Variants in JPH1 observed in about 807,000 individuals in gnomAD.
The protein encoded by JPH1 is junctophilin 1.
In JPH1, 12 loss-of-function variants were observed where a neutral mutation model predicts 53.6. The observed-to-expected ratio is 0.22, with a 90% CI of 0.14 to 0.36. JPH1 has a LOEUF of 0.36. Ranked by LOEUF, JPH1 falls within the 10% of genes least tolerant of loss-of-function variation. The probability of loss-of-function intolerance (pLI) is 1.00; values close to 1 mark genes in which losing one functional copy is unlikely to be tolerated. For missense variants in JPH1, 808 were observed against 905.5 expected (o/e 0.89, Z 1.38); for synonymous variants, 375 against 363.8 (o/e 1.03, Z -0.35).
intron 1 of JPH1, among the ~76,000 whole-genome samples, chr8:74,318,254 CTG>C (rs772377592): frequency 3.3e-5 from 5 of 152,106 alleles, no homozygotes; most frequent in Non-Finnish European, 5.9e-5. Flanking sequence ...CAGTTTTAAA[CTG>C]TGTTCATTTG....
chr8:74,289,060 T>C (rs1807249848), intron 2 of JPH1, among the ~76,000 whole-genome samples: 1 of 152,128 alleles, frequency 6.6e-6, no homozygotes, highest in Non-Finnish European at 1.5e-5. Context: ...AGCTGCAGCA[T>C]AAACTCTGAA....
intron 2 of JPH1, among the ~76,000 whole-genome samples, chr8:74,283,706 G>C (rs1413885529): frequency 6.6e-6 from 1 of 152,204 alleles, no homozygotes; most frequent in Non-Finnish European, 1.5e-5. Context: ...TTAACAGCGT[G>C]CTGAGTGCAC....
intron 3 of JPH1, among the ~76,000 whole-genome samples, chr8:74,252,798 C>CCATT (rs1806103994): frequency 6.6e-6 from 1 of 151,564 alleles, no homozygotes; most frequent in African/African-American, 2.4e-5. Context: ...AGAGACAAGG[C>CCATT]CATTACATAA....
Position 74,321,466 on chromosome 8 carries a change from G to A in JPH1, c.-179C>T. ...CCCCCGTCCTCCCTCCTCTTTTGCC[G>A]CCGCCACCGCCGCCTTCCTCCTCCT... On this transcript the variant is annotated 5_prime_UTR_variant, in exon 1 of 6. Transcript: ENST00000342232. The surrounding 1 kb of genome is among the most constrained non-coding windows in gnomAD (Gnocchi z 4.3). 1.9e-6 allele frequency: 1 copy of A among 534,062 alleles called. No individual in the cohort carries two copies. Among genetic ancestry groups the A allele is most frequent in the Non-Finnish European group, 3.0e-6 (1 of 330,898 alleles). 33.1% of individuals were successfully genotyped at this position (534,062 alleles called of 1,614,324 possible). A position where few individuals can be genotyped will look rare whatever the true frequency, so the allele number is the denominator to read the frequency against.
intron 2 of JPH1, among the ~76,000 whole-genome samples, chr8:74,306,612 T>TC (rs1435117806): frequency 6.6e-6 from 1 of 151,986 alleles, no homozygotes; most frequent in Non-Finnish European, 1.5e-5. Context: ...AACTTTTTTT[T>TC]TTTTTCTTGG....
chr8:74,292,246 C>T (rs1807350512), intron 2 of JPH1, among the ~76,000 whole-genome samples: 1 of 152,176 alleles, frequency 6.6e-6, no homozygotes, highest in Admixed American at 6.5e-5. Context: ...ACTTACTCTC[C>T]ACCTTGTATC....
intron 4 of JPH1, among the ~76,000 whole-genome samples, chr8:74,237,814 C>T (rs144770780): frequency 1.8e-4 from 27 of 152,260 alleles, no homozygotes; most frequent in African/African-American, 6.5e-4. Context: ...GTTTGGACAC[C>T]ACCCTTTCCG....
chr8:74,260,704 C>T (rs765830233), intron 2 of JPH1, among the ~76,000 whole-genome samples: 5 of 152,076 alleles, frequency 3.3e-5, no homozygotes, highest in South Asian at 2.1e-4. Context: ...GCTCCTGGGA[C>T]CAAAACACGG....
intron 3 of JPH1, among the ~76,000 whole-genome samples, chr8:74,251,585 T>C (rs1248911511): frequency 1.3e-5 from 2 of 152,234 alleles, no homozygotes; most frequent in Non-Finnish European, 2.9e-5. Context: ...CCATCCCACA[T>C]GGCTTTGTTT....
chr8:74,313,650 T>C (rs1808058068), intron 2 of JPH1, among the ~76,000 whole-genome samples: 1 of 151,906 alleles, frequency 6.6e-6, no homozygotes, highest in African/African-American at 2.4e-5. Flanking sequence ...AAATTTCATA[T>C]GGCTCCATCA....
intron 2 of JPH1, among the ~76,000 whole-genome samples, chr8:74,265,214 C>T (rs970478923): frequency 4.6e-5 from 7 of 152,184 alleles, no homozygotes; most frequent in Non-Finnish European, 1.0e-4. Flanking sequence ...TGTGTTCATG[C>T]TCAGGGGACA....
rs1808094834 is a variant in JPH1 at position 74,314,861 on chromosome 8, C to T, written c.1139G>A (p.Arg380Lys). 1 of 1,613,912 alleles carries T rather than the reference C, an allele frequency of 6.2e-7. No homozygotes were observed. The highest frequency in any genetic ancestry group is 1.3e-5 in the African/African-American group (1 of 74,904). Residue 380 changes from arginine (R) to lysine (K), a missense_variant and splice_region_variant, in exon 2 of 6, where the codon AGG becomes AAG. Transcript: ENST00000342232. Reference sequence around the variant, plus strand: ...AACCAACCACCCTGCATTTACTTACCTTGAATTTGCTATTTCCACTTTGGT... The same window carrying T: ...AACCAACCACCCTGCATTTACTTACTTTGAATTTGCTATTTCCACTTTGGT... ...ARTKVEIANS[R>K]TAHARAKADA...
At chr8:74,290,423 G>T (rs1807290132) in intron 2 of JPH1, among the ~76,000 whole-genome samples, 1 of 152,098 alleles carries the variant, frequency 6.6e-6, no homozygotes, top group African/African-American at 2.4e-5. Flanking sequence ...CAACTTACAA[G>T]GGATGTGAAG....
chr8:74,238,318 G>A (rs558104293), intron 4 of JPH1, among the ~76,000 whole-genome samples: 1 of 152,260 alleles, frequency 6.6e-6, no homozygotes, highest in Admixed American at 6.5e-5. Flanking sequence ...AATGGAGATT[G>A]GAGCTGTCAT....
chr8:74,258,110 A>G (rs920128352), intron 3 of JPH1, among the ~76,000 whole-genome samples: 2 of 152,200 alleles, frequency 1.3e-5, no homozygotes, highest in African/African-American at 4.8e-5. Context: ...GTGGGTTCCG[A>G]CAGCGTATAC....
chr8:74,321,258 A>G lies in JPH1; in HGVS notation c.30T>C (p.Asp10=). Residue 10 remains aspartate (D), a synonymous_variant, in exon 1 of 6, where the codon GAT becomes GAC. Transcript: ENST00000342232. The surrounding 1 kb of genome is among the most constrained non-coding windows in gnomAD (Gnocchi z 4.3). ...CCCAGCCGCCGCAGTAGGTGCCGCC[A>G]TCGTCGAAGTCGAACCTTCCGCCCG... The part of the protein sequence containing the change: MTGGRFDFD[D]GGTYCGGWEE... The G allele has an allele frequency of 6.3e-7, 1 of 1,599,796 alleles. No individual in the cohort carries two copies. Among genetic ancestry groups the G allele is most frequent in the Non-Finnish European group, 8.5e-7 (1 of 1,173,332 alleles).
At chr8:74,288,122 G>T (rs1028261) in intron 2 of JPH1, among the ~76,000 whole-genome samples, 13,943 of 152,142 alleles carry the variant, frequency 0.092, 792 homozygotes, top group East Asian at 0.18. Flanking sequence ...GTACAATATT[G>T]TCTAATAAGT....
chr8:74,253,808 T>C (rs1806138909), intron 3 of JPH1, among the ~76,000 whole-genome samples: 2 of 152,042 alleles, frequency 1.3e-5, no homozygotes, highest in Non-Finnish European at 1.5e-5. Context: ...ATGGATAAAT[T>C]CCTTGACACA....
In JPH1 at chr8:74,288,977, T is replaced by C. The variant is rs76016190; in HGVS notation, c.1139+25884A>G. ...TCAAACTATGCCCTTCTTTTGTGCA[T>C]GGAGTGAAGACTTTACCTAAGAGTT... On this transcript the variant is annotated intron_variant, in intron 2 of 5. Transcript: ENST00000342232. Among the ~76,000 whole-genome samples, 621 of 152,330 alleles carry C rather than the reference T, an allele frequency of 4.1e-3. 5 individuals carry two copies. Among genetic ancestry groups the C allele is most frequent in the Middle Eastern group, 0.01 (3 of 294 alleles).
Sources: allele counts gnomAD v4.1 joint callset (sites outside exome capture counted in the v4.1 genomes callset), GRCh38; gene constraint gnomAD v4.1.1; non-coding constraint Gnocchi (gnomAD v3.1); transcripts MANE v1.5; gene names NCBI Gene and HGNC (gene_info 2026-07-23, HGNC 2026-07-21).